MAGI2: variants seen among roughly 807,000 people sequenced by gnomAD.
MAGI2 encodes membrane associated guanylate kinase, WW and PDZ domain containing 2.
Under a neutral mutation model 133.3 loss-of-function variants are expected in MAGI2, and 35 were observed. That is an observed-to-expected ratio of 0.26 (90% CI 0.20 to 0.35). The LOEUF is 0.35. Among genes scored for constraint, MAGI2 ranks in the 10% least tolerant of loss-of-function variants. The pLI is 1.00. For missense variants in MAGI2, 1,636 were observed against 1,863.4 expected (o/e 0.88, Z 2.25); for synonymous variants, 729 against 710.6 (o/e 1.03, Z -0.41).
At chr7:78,618,382 C>T (rs1384105334) in intron 3 of MAGI2, 1 of 151,916 alleles carries the variant, frequency 6.6e-6, no homozygotes, top group African/African-American at 2.4e-5. Flanking sequence ...GCAATACACT[C>T]ATTAAATTAT....
intron 1 of MAGI2, among the ~76,000 whole-genome samples, chr7:79,167,898 G>A (rs867414030): frequency 2.0e-5 from 3 of 152,020 alleles, no homozygotes; most frequent in South Asian, 2.1e-4. Flanking sequence ...TGGGTTTAAC[G>A]GAATGAGGGC....
At chr7:78,887,455 T>C (rs540048410) in intron 2 of MAGI2, among the ~76,000 whole-genome samples, 4 of 152,362 alleles carry the variant, frequency 2.6e-5, no homozygotes, top group Admixed American at 1.3e-4. Context: ...CAAGTCCTCC[T>C]GATGAATCTG....
At chr7:79,064,154 A>T (rs1244119364) in intron 1 of MAGI2, among the ~76,000 whole-genome samples, 1 of 152,080 alleles carries the variant, frequency 6.6e-6, no homozygotes, top group African/African-American at 2.4e-5. Flanking sequence ...TCTTTGTACT[A>T]CAGAGAATAT....
rs141161828 is a variant in MAGI2 at position 78,608,768 on chromosome 7, C to T, written c.538+18352G>A. On this transcript the variant is annotated intron_variant, in intron 3 of 21. Coordinates refer to ENST00000354212, the MANE Select transcript of MAGI2 (RefSeq NM_012301.4). ...AAGTTGTTCTAGAATCACATAGTTACATGGTACTGAAATTGAGGGCAAAAC... is the reference window on the plus strand; with the variant it reads ...AAGTTGTTCTAGAATCACATAGTTATATGGTACTGAAATTGAGGGCAAAAC... 2.5e-3 allele frequency among the ~76,000 whole-genome samples: 386 copies of T among 152,270 alleles called. 1 individual carries two copies. Among genetic ancestry groups the T allele is most frequent in the African/African-American group, 8.7e-3 (362 of 41,562 alleles).
chr7:79,247,698 G>A (rs528933459), intron 1 of MAGI2, among the ~76,000 whole-genome samples: 1 of 151,908 alleles, frequency 6.6e-6, no homozygotes, highest in African/African-American at 2.4e-5. Flanking sequence ...ACCACAAAAA[G>A]TTCAAAAATG....
chr7:79,210,087 ATC>A (rs1829380163), intron 1 of MAGI2, among the ~76,000 whole-genome samples: 1 of 152,076 alleles, frequency 6.6e-6, no homozygotes, highest in South Asian at 2.1e-4. Flanking sequence ...TAATTTATAT[ATC>A]TTTCTCTTTT....
At chr7:78,567,686 G>A (rs773930760) in intron 3 of MAGI2, among the ~76,000 whole-genome samples, 1 of 151,794 alleles carries the variant, frequency 6.6e-6, no homozygotes, top group African/African-American at 2.4e-5. Context: ...CCCCTGCATC[G>A]CCAGTTTTCC....
At chr7:78,859,777 T>A (rs1794001921) in intron 2 of MAGI2, among the ~76,000 whole-genome samples, 1 of 152,232 alleles carries the variant, frequency 6.6e-6, no homozygotes, top group Non-Finnish European at 1.5e-5. Flanking sequence ...TGAATTTGAA[T>A]GTTGGCCTGC....
intron 3 of MAGI2, among the ~76,000 whole-genome samples, chr7:78,574,734 G>A (rs560060839): frequency 6.6e-6 from 1 of 152,254 alleles, no homozygotes; most frequent in East Asian, 1.9e-4. Flanking sequence ...CACCACAAGT[G>A]GAAAGTGATA....
intron 1 of MAGI2, among the ~76,000 whole-genome samples, chr7:79,126,941 C>T (rs1176833970): frequency 6.7e-6 from 1 of 148,570 alleles, no homozygotes; most frequent in Non-Finnish European, 1.5e-5. Flanking sequence ...CTAATGCTAA[C>T]CCTCCCTCCT....
chr7:79,066,288 T>C (rs1031563308), intron 1 of MAGI2, among the ~76,000 whole-genome samples: 1 of 151,060 alleles, frequency 6.6e-6, no homozygotes, highest in Non-Finnish European at 1.5e-5. Flanking sequence ...GTGTGGTGTT[T>C]TTTTTTTTTT....
At chr7:78,290,020 T>C (rs982503321) in intron 9 of MAGI2, among the ~76,000 whole-genome samples, 4 of 152,160 alleles carry the variant, frequency 2.6e-5, no homozygotes, top group Non-Finnish European at 5.9e-5. Context: ...GTAAAGACCA[T>C]TGACACTATG....
chr7:78,196,596 G>A (rs556719658), intron 11 of MAGI2, among the ~76,000 whole-genome samples: 1 of 152,204 alleles, frequency 6.6e-6, no homozygotes, highest in Non-Finnish European at 1.5e-5. Flanking sequence ...AAGCTGGAAG[G>A]GATGTGAGGT....
intron 1 of MAGI2, among the ~76,000 whole-genome samples, chr7:79,271,451 A>C (rs1281698200): frequency 1.3e-5 from 2 of 152,054 alleles, no homozygotes; most frequent in Non-Finnish European, 2.9e-5. Context: ...ATACTAAATA[A>C]TTGGAATCAG....
At chr7:78,740,029 C>G (rs563205687) in intron 2 of MAGI2, among the ~76,000 whole-genome samples, 1 of 151,952 alleles carries the variant, frequency 6.6e-6, no homozygotes. Flanking sequence ...GGCGTGGTGG[C>G]GGGCGCCTGT....
intron 2 of MAGI2, among the ~76,000 whole-genome samples, chr7:79,002,213 C>T (rs6952133): frequency 0.58 from 88,078 of 150,836 alleles, 26,111 homozygotes; most frequent in East Asian, 0.63. Flanking sequence ...CTCACTGCAG[C>T]CTTGACTTCC....
chr7:78,538,803 C>A (rs1274468414), intron 3 of MAGI2, among the ~76,000 whole-genome samples: 1 of 152,130 alleles, frequency 6.6e-6, no homozygotes, highest in Non-Finnish European at 1.5e-5. Flanking sequence ...AACAGTTTGA[C>A]TTGCTCTTTG....
chr7:79,056,495 T>C (rs1813161014), intron 1 of MAGI2, among the ~76,000 whole-genome samples: 2 of 152,186 alleles, frequency 1.3e-5, no homozygotes, highest in Non-Finnish European at 2.9e-5. Context: ...CTTAAAAATA[T>C]CTCTTCAAGG....
chr7:78,823,639 C>T (rs1584035754), intron 2 of MAGI2, among the ~76,000 whole-genome samples: 1 of 139,192 alleles, frequency 7.2e-6, no homozygotes, highest in Non-Finnish European at 1.6e-5. Context: ...GCCAGTTAAA[C>T]AAATCATTTT....
Sources: allele counts gnomAD v4.1 joint callset (sites outside exome capture counted in the v4.1 genomes callset), GRCh38; gene constraint gnomAD v4.1.1; transcripts MANE v1.5; gene names NCBI Gene and HGNC (gene_info 2026-07-23, HGNC 2026-07-21).